CLVS2: variants seen among roughly 807,000 people sequenced by gnomAD.
CLVS2 encodes clavesin-2.
Under a neutral mutation model 29.0 loss-of-function variants are expected in CLVS2, and 19 were observed. The ratio of observed to expected loss-of-function variants is 0.66; its 90% CI spans 0.46 to 0.96. The LOEUF is 0.96. Ranked by LOEUF, CLVS2 falls within the 40% of genes least tolerant of loss-of-function variation. The pLI is 0.00. For missense variants in CLVS2, 294 were observed against 404.1 expected, an observed-to-expected ratio of 0.73 and a Z score of 2.34; for synonymous variants, 161 against 151.3, an observed-to-expected ratio of 1.06 and a Z score of -0.47.
At position 123,071,302 on chromosome 6, in the gene CLVS2, AGG is replaced by A. The variant is rs1306173593; in HGVS notation, c.*7544_*7545del. 6.6e-6 allele frequency: 1 copy of A among 152,028 alleles called. No homozygotes were observed. Among genetic ancestry groups the A allele is most frequent in the Non-Finnish European group, 1.5e-5 (1 of 67,934 alleles). 9.4% of individuals were successfully genotyped at this position (152,028 alleles called of 1,614,324 possible). A position where few individuals can be genotyped will look rare whatever the true frequency, so the allele number is the denominator to read the frequency against. Reference sequence around the variant, plus strand: ...AAAAAATTTTGTTATTTATCTTCAAAGGGGAAATTTTACCCTCTCATGATAAT... The same window carrying A: ...AAAAAATTTTGTTATTTATCTTCAAAGGAAATTTTACCCTCTCATGATAAT... On this transcript the variant is annotated 3_prime_UTR_variant, in exon 6 of 6. Transcript: ENST00000275162.
chr6:123,021,373 G>GC (rs1446601943), intron 3 of CLVS2, among the ~76,000 whole-genome samples: 8 of 151,808 alleles, frequency 5.3e-5, no homozygotes, highest in Non-Finnish European at 1.5e-5. Context: ...ATTTAAGCAC[G>GC]CAACCGGGAG....
intron 3 of CLVS2, among the ~76,000 whole-genome samples, chr6:123,047,534 G>C (rs1479516636): frequency 6.6e-6 from 1 of 152,022 alleles, no homozygotes; most frequent in Non-Finnish European, 1.5e-5. Context: ...ACTACTGCTC[G>C]TAAGTGTCCA....
intron 3 of CLVS2, among the ~76,000 whole-genome samples, chr6:123,030,730 A>G (rs1775072234): frequency 6.6e-6 from 1 of 151,652 alleles, no homozygotes; most frequent in Admixed American, 6.6e-5. Context: ...GGAGTAGCTC[A>G]GCCAAACTAA....
intron 2 of CLVS2, among the ~76,000 whole-genome samples, chr6:123,005,801 AG>A (rs141779850): frequency 4.2e-4 from 64 of 152,292 alleles, no homozygotes; most frequent in African/African-American, 1.4e-3. Flanking sequence ...TTTCTGGTCC[AG>A]GAGCATGTTT....
rs966557425 is a variant in CLVS2, at chr6:123,072,726, A to G, written c.*8965A>G. 2 of 152,104 alleles carry G rather than the reference A, an allele frequency of 1.3e-5. No individual in the cohort carries two copies. The highest frequency in any genetic ancestry group is 2.9e-5 in the Non-Finnish European group (2 of 67,976). The allele number at this position is 152,104 out of a possible 1,614,324, so 9.4% of individuals were successfully genotyped here. On this transcript the variant is annotated 3_prime_UTR_variant, in exon 6 of 6. Transcript: ENST00000275162. ...TTTTTTATGATTGAATTCTAAGGGT[A>G]TGTTCCTTGGTAAATTGTGTTAATT... is the stretch of plus-strand genomic sequence containing the variant.
At chr6:123,054,208 T>C (rs1225971172) in intron 4 of CLVS2, among the ~76,000 whole-genome samples, 2 of 152,190 alleles carry the variant, frequency 1.3e-5, no homozygotes, top group Non-Finnish European at 2.9e-5. Flanking sequence ...AAAATAAGGG[T>C]TGCATGTGCC....
intron 3 of CLVS2, among the ~76,000 whole-genome samples, chr6:123,044,554 T>A (rs1309342838): frequency 1.3e-5 from 2 of 151,824 alleles, no homozygotes; most frequent in East Asian, 3.9e-4. Context: ...AGTAGTGAGA[T>A]AAGGGGTCAT....
intron 3 of CLVS2, among the ~76,000 whole-genome samples, chr6:123,019,052 C>T (rs1163478237): frequency 6.6e-6 from 1 of 152,056 alleles, no homozygotes; most frequent in African/African-American, 2.4e-5. Flanking sequence ...TCCAAGGCCA[C>T]TTTGCTCAAT....
intron 5 of CLVS2, among the ~76,000 whole-genome samples, chr6:123,062,710 T>G (rs962331327): frequency 2.0e-5 from 3 of 152,248 alleles, no homozygotes; most frequent in Non-Finnish European, 4.4e-5. Context: ...CATTTGCATG[T>G]GCAGTTGTGT....
At chr6:123,012,079 G>A (rs1774756365) in intron 3 of CLVS2, among the ~76,000 whole-genome samples, 1 of 151,856 alleles carries the variant, frequency 6.6e-6, no homozygotes, top group East Asian at 1.9e-4. Context: ...TTCTGCCTCT[G>A]GACTGAATAA....
At chr6:123,045,877 C>T (rs1395515163) in intron 3 of CLVS2, among the ~76,000 whole-genome samples, 1 of 152,040 alleles carries the variant, frequency 6.6e-6, no homozygotes, top group Non-Finnish European at 1.5e-5. Context: ...AAAAAAACTT[C>T]CTGGAAATGA....
intron 3 of CLVS2, among the ~76,000 whole-genome samples, chr6:123,030,723 G>A (rs949464332): frequency 2.0e-5 from 3 of 151,664 alleles, no homozygotes; most frequent in Admixed American, 2.0e-4. Context: ...TAATATAGGA[G>A]TAGCTCAGCC....
In CLVS2 at chr6:123,057,043, G is replaced by C. The variant is rs374238976; in HGVS notation, c.896+1017G>C. ...CAAATGCATACCTGGCTCTGAGTTT[G>C]CATTCTGTCACAAACAAGTAGATGT... is the stretch of plus-strand genomic sequence containing the variant. On this transcript the variant is annotated intron_variant, in intron 5 of 5. Transcript: ENST00000275162. 1.2e-4 allele frequency among the ~76,000 whole-genome samples: 19 copies of C among 152,256 alleles called. No homozygotes were observed. The South Asian group carries it at 2.7e-3, about 22-fold the overall frequency.
chr6:123,017,341 G>C (rs1774851958), intron 3 of CLVS2, among the ~76,000 whole-genome samples: 1 of 152,048 alleles, frequency 6.6e-6, no homozygotes, highest in Non-Finnish European at 1.5e-5. Flanking sequence ...ACATTGATGG[G>C]AGGGGGCTGA....
At chr6:123,059,646 G>T (rs1175128677) in intron 5 of CLVS2, among the ~76,000 whole-genome samples, 3 of 152,114 alleles carry the variant, frequency 2.0e-5, no homozygotes, top group African/African-American at 4.8e-5. Context: ...TGTCACTGTT[G>T]CTATTGTTCA....
chr6:123,026,686 A>C (rs1468500293), intron 3 of CLVS2, among the ~76,000 whole-genome samples: 1 of 152,210 alleles, frequency 6.6e-6, no homozygotes, highest in African/African-American at 2.4e-5. Context: ...AGATTCATAT[A>C]AAATCCCAAA....
chr6:123,051,749 A>G (rs1350975479), intron 4 of CLVS2, among the ~76,000 whole-genome samples: 1 of 152,204 alleles, frequency 6.6e-6, no homozygotes, highest in Non-Finnish European at 1.5e-5. Flanking sequence ...TAAAATAAAA[A>G]ATGGAAGTAT....
rs1384027965 is a variant in CLVS2 at position 123,064,996 on chromosome 6, A to C, written c.*1235A>C. 1 of 151,818 alleles carries C rather than the reference A, an allele frequency of 6.6e-6. No homozygotes were observed. The highest frequency in any genetic ancestry group is 6.6e-5 in the Admixed American group (1 of 15,204). The allele number at this position is 151,818 out of a possible 1,614,324, so 9.4% of individuals were successfully genotyped here. ...CATCAGGTGACAGAAAGCCAATTTTATTTTCAAATTTAAGTTAATTATCTT... is the reference window on the plus strand; with the variant it reads ...CATCAGGTGACAGAAAGCCAATTTTCTTTTCAAATTTAAGTTAATTATCTT... On this transcript the variant is annotated 3_prime_UTR_variant, in exon 6 of 6. Transcript: ENST00000275162.
chr6:123,011,322 G>A (rs1225709576), intron 3 of CLVS2, among the ~76,000 whole-genome samples, 163 bp downstream of exon 3: 3 of 151,970 alleles, frequency 2.0e-5, no homozygotes, highest in Non-Finnish European at 4.4e-5. Flanking sequence ...AAGGATTATA[G>A]AAGAAACGCT....
Sources: allele counts gnomAD v4.1 joint callset (sites outside exome capture counted in the v4.1 genomes callset), GRCh38; gene constraint gnomAD v4.1.1; transcripts MANE v1.5; gene names NCBI Gene and HGNC (gene_info 2026-07-23, HGNC 2026-07-21).